Variants in GRID2 observed in about 807,000 individuals in gnomAD.
The protein encoded by GRID2 is glutamate receptor ionotropic, delta-2.
GRID2 carries 33 observed loss-of-function variants against 114.8 expected under a neutral mutation model. The observed-to-expected ratio is 0.29, with a 90% CI of 0.22 to 0.38. The LOEUF is 0.38. Ranked by LOEUF, GRID2 falls within the 10% of genes least tolerant of loss-of-function variation. GRID2 has a pLI of 1.00. For missense variants in GRID2, 1,184 were observed against 1,257.7 expected, an observed-to-expected ratio of 0.94 and a Z score of 0.89; for synonymous variants, 505 against 449.9, an observed-to-expected ratio of 1.12 and a Z score of -1.55.
intron 2 of GRID2, among the ~76,000 whole-genome samples, chr4:92,844,800 C>T (rs1743183412): frequency 1.3e-5 from 2 of 151,994 alleles, no homozygotes; most frequent in South Asian, 4.1e-4. Flanking sequence ...CACAAGATGT[C>T]TATGCCTCCT....
intron 12 of GRID2, among the ~76,000 whole-genome samples, chr4:93,497,095 C>T (rs991902822): frequency 2.6e-5 from 4 of 151,098 alleles, no homozygotes; most frequent in African/African-American, 7.3e-5. Context: ...GGTGATGTCT[C>T]ATTGTGGTTT....
chr4:92,362,432 A>T (rs953599815), intron 1 of GRID2, among the ~76,000 whole-genome samples: 1 of 151,930 alleles, frequency 6.6e-6, no homozygotes, highest in Non-Finnish European at 1.5e-5. Flanking sequence ...TATTCCAAAA[A>T]TTTTTCTAAA....
At chr4:93,080,540 A>G (rs1729765619) in intron 2 of GRID2, among the ~76,000 whole-genome samples, 2 of 152,202 alleles carry the variant, frequency 1.3e-5, no homozygotes, top group African/African-American at 4.8e-5. Context: ...CACTGGACTG[A>G]ATAAACTAGA....
At chr4:92,973,484 C>T (rs1298085397) in intron 2 of GRID2, among the ~76,000 whole-genome samples, 1 of 152,140 alleles carries the variant, frequency 6.6e-6, no homozygotes, top group Non-Finnish European at 1.5e-5. Flanking sequence ...AATTCAGTTT[C>T]ATAGCTGTTG....
At chr4:93,458,685 TAA>T (rs1433680010) in intron 11 of GRID2, among the ~76,000 whole-genome samples, 2 of 152,118 alleles carry the variant, frequency 1.3e-5, no homozygotes, top group African/African-American at 4.8e-5. Context: ...ATAACTTATA[TAA>T]GTGTCACATA....
intron 4 of GRID2, among the ~76,000 whole-genome samples, chr4:93,195,646 G>C (rs1274961146): frequency 2.6e-5 from 4 of 152,104 alleles, no homozygotes; most frequent in Non-Finnish European, 4.4e-5. Flanking sequence ...AAGAAGAGCA[G>C]AACTGACTAT....
At chr4:92,957,227 A>C (rs1205225152) in intron 2 of GRID2, among the ~76,000 whole-genome samples, 1 of 152,112 alleles carries the variant, frequency 6.6e-6, no homozygotes, top group East Asian at 1.9e-4. Flanking sequence ...GTTACCATCA[A>C]ACCCAAGGTC....
At chr4:93,793,061 T>G (rs569821422) in intron 1 of GRID2, among the ~76,000 whole-genome samples, 1 of 152,334 alleles carries the variant, frequency 6.6e-6, no homozygotes, top group East Asian at 1.9e-4. Flanking sequence ...GTTTTCTAAA[T>G]AAAACCTTAT....
chr4:92,311,740 A>G (rs1447749825), intron 1 of GRID2, among the ~76,000 whole-genome samples: 1 of 152,064 alleles, frequency 6.6e-6, no homozygotes, highest in Non-Finnish European at 1.5e-5. Context: ...TAATATAAGC[A>G]TTACTACCAA....
intron 2 of GRID2, among the ~76,000 whole-genome samples, chr4:92,922,803 A>G (rs1196133097): frequency 6.6e-6 from 1 of 152,182 alleles, no homozygotes; most frequent in Non-Finnish European, 1.5e-5. Context: ...AAACAAAGCG[A>G]TGCTTATTTT....
chr4:92,734,578 C>A (rs903215610), intron 2 of GRID2, among the ~76,000 whole-genome samples: 1 of 152,008 alleles, frequency 6.6e-6, no homozygotes, highest in Admixed American at 6.6e-5. Flanking sequence ...ACCACCTCGC[C>A]CAGCCTTACT....
At chr4:92,631,823 C>A (rs1730821874) in intron 2 of GRID2, among the ~76,000 whole-genome samples, 1 of 152,102 alleles carries the variant, frequency 6.6e-6, no homozygotes, top group Non-Finnish European at 1.5e-5. Context: ...TAGGATATTT[C>A]ATTTAGTCGC....
At chr4:93,628,035 G>A (rs1250667329) in intron 14 of GRID2, among the ~76,000 whole-genome samples, 1 of 152,150 alleles carries the variant, frequency 6.6e-6, no homozygotes, top group Non-Finnish European at 1.5e-5. Context: ...TTATCCAGGT[G>A]TGGTGGTGCA....
intron 2 of GRID2, among the ~76,000 whole-genome samples, chr4:92,678,998 G>A (rs1257280879): frequency 1.4e-5 from 2 of 146,686 alleles, no homozygotes; most frequent in Non-Finnish European, 3.0e-5. Flanking sequence ...AATCCTCCCA[G>A]TATCTTATAG....
rs1477856588 is a variant in GRID2, at chr4:93,076,634, T to TA, written c.245-8359dup. Reference sequence around the variant, plus strand: ...TCTTTTTTTTTTTTTTTTTTTTTTTTAATGACAGAGTCTCTCTCTGTCACC... The same window carrying TA: ...TCTTTTTTTTTTTTTTTTTTTTTTTTAAATGACAGAGTCTCTCTCTGTCACC... On this transcript the variant is annotated intron_variant, in intron 2 of 15. Transcript: ENST00000282020. 6.1e-5 allele frequency among the ~76,000 whole-genome samples: 7 copies of TA among 115,290 alleles called. No individual in the cohort carries two copies. In the East Asian group the frequency reaches 1.8e-3, roughly 30 times the overall value. The allele number at this position is 115,290 out of a possible 152,430, so 75.6% of individuals were successfully genotyped here.
At chr4:93,168,439 G>A (rs1346740494) in intron 4 of GRID2, among the ~76,000 whole-genome samples, 1 of 152,046 alleles carries the variant, frequency 6.6e-6, no homozygotes, top group Admixed American at 6.6e-5. Context: ...GCTCAAAAAT[G>A]TGTGTATATA....
intron 9 of GRID2, among the ~76,000 whole-genome samples, chr4:93,422,009 T>G (rs763026131): frequency 1.3e-5 from 2 of 152,188 alleles, no homozygotes; most frequent in Non-Finnish European, 2.9e-5. Flanking sequence ...GAATAGATTA[T>G]CTAGTTTTCT....
At chr4:92,906,840 CTTAGA>C (rs968257341) in intron 2 of GRID2, among the ~76,000 whole-genome samples, 5 of 152,084 alleles carry the variant, frequency 3.3e-5, no homozygotes, top group Non-Finnish European at 7.3e-5. Context: ...TTTTCCTTGA[CTTAGA>C]TTAATCTCAA....
At chr4:93,158,311 T>C (rs1737364598) in intron 4 of GRID2, among the ~76,000 whole-genome samples, 1 of 151,870 alleles carries the variant, frequency 6.6e-6, no homozygotes, top group Non-Finnish European at 1.5e-5. Context: ...ATTTTACATT[T>C]ATCCTTGATA....
Sources: allele counts gnomAD v4.1 joint callset (sites outside exome capture counted in the v4.1 genomes callset), GRCh38; gene constraint gnomAD v4.1.1; transcripts MANE v1.5; gene names NCBI Gene and HGNC (gene_info 2026-07-23, HGNC 2026-07-21).